ZNF510: variants seen among roughly 807,000 people sequenced by gnomAD.
ZNF510 encodes the protein zinc finger protein 510.
Under a neutral mutation model 18.1 loss-of-function variants are expected in ZNF510, and 15 were observed. That is an observed-to-expected ratio of 0.83 (90% CI 0.55 to 1.28). The LOEUF is 1.28. Ranked by LOEUF, ZNF510 falls within the 50% of genes most tolerant of loss-of-function variation. The pLI is 0.00. For missense variants in ZNF510, 724 were observed against 791.8 expected (o/e 0.91, Z 1.03); for synonymous variants, 261 against 266.4 (o/e 0.98, Z 0.20).
At chr9:96,766,248 T>C (rs1849468921) in intron 3 of ZNF510, among the ~76,000 whole-genome samples, 1 of 149,700 alleles carries the variant, frequency 6.7e-6, no homozygotes, top group Non-Finnish European at 1.5e-5. Flanking sequence ...TCCCAGTAAC[T>C]CATAGAAAAG....
At position 96,755,906 on chromosome 9, in the gene ZNF510, A is replaced by G. The variant is rs1253237558; in HGVS notation, c.*2872T>C. ...TATTTTGTACAGTACATGGTACTGT[A>G]AAAGTACCATGTACTTTTACCATGT... On this transcript the variant is annotated 3_prime_UTR_variant, in exon 6 of 6. Coordinates refer to ENST00000223428, the MANE Select transcript of ZNF510 (RefSeq NM_014930.3). The G allele has an allele frequency of 6.6e-6, 1 of 152,162 alleles. No individual in the cohort carries two copies. Among genetic ancestry groups the G allele is most frequent in the African/African-American group, 2.4e-5 (1 of 41,450 alleles). The allele number at this position is 152,162 out of a possible 1,614,324, so 9.4% of individuals were successfully genotyped here.
In ZNF510 at chr9:96,763,161, C is replaced by T; in HGVS notation, c.309G>A (p.Glu103=). The T allele has an allele frequency of 6.2e-7, 1 of 1,614,098 alleles. No homozygotes were observed. The highest frequency in any genetic ancestry group is 1.1e-5 in the South Asian group (1 of 91,082). ...AGAATTCCTCCTCTGAGAACCAAGG[C>T]TCCTCTCCTTGCTCCAACTTGAAGA... ...EVIFKLEQGE[E]PWFSEEEFSN... The change falls in exon 5 of 6, where the codon GAG becomes GAA. Residue 103 remains glutamate (E), a synonymous_variant. Transcript: ENST00000223428.
chr9:96,772,463 T>G (rs1849601851), intron 3 of ZNF510, among the ~76,000 whole-genome samples: 1 of 152,100 alleles, frequency 6.6e-6, no homozygotes, highest in Non-Finnish European at 1.5e-5. Context: ...AGCCATGGAA[T>G]CCAAGAACAT....
At position 96,770,442 on chromosome 9, in the gene ZNF510, A is replaced by T. The variant is rs539987679; in HGVS notation, c.129+4346T>A. 2.2e-3 allele frequency among the ~76,000 whole-genome samples: 339 copies of T among 151,752 alleles called. 3 individuals are homozygous for T. The highest frequency in any genetic ancestry group is 7.7e-3 in the African/African-American group (320 of 41,416). On this transcript the variant is annotated intron_variant, in intron 3 of 5. Transcript: ENST00000223428. ...CTGTGTCTACTAAAAAAAAAAAAAA[A>T]AATAGAAAAATTAGCCAGGCATGAC...
chr9:96,761,230 A>G (rs569796963), intron 5 of ZNF510, among the ~76,000 whole-genome samples: 1 of 152,298 alleles, frequency 6.6e-6, no homozygotes, highest in African/African-American at 2.4e-5. Flanking sequence ...AGTGAACCTG[A>G]TCATCCCATC....
intron 2 of ZNF510, 89 bp from the exon 3 acceptor site, chr9:96,774,935 C>A: frequency 8.9e-7 from 1 of 1,117,642 alleles, no homozygotes; most frequent in Non-Finnish European, 1.3e-6. Context: ...GGAAAAAGGC[C>A]TCTCTACAAA....
intron 3 of ZNF510, among the ~76,000 whole-genome samples, chr9:96,766,490 G>A (rs183409359): frequency 2.0e-4 from 30 of 151,994 alleles, no homozygotes; most frequent in Admixed American, 2.0e-3. Flanking sequence ...AGATGCAACA[G>A]AGACTGTATC....
chr9:96,756,887 A>G lies in ZNF510; in HGVS notation c.*1891T>C, dbSNP rs1849207759. The G allele has an allele frequency of 6.6e-6, 1 of 152,244 alleles. No individual in the cohort carries two copies. The highest frequency in any genetic ancestry group is 2.4e-5 in the African/African-American group (1 of 41,460). 9.4% of individuals were successfully genotyped at this position (152,244 alleles called of 1,614,324 possible). A position where few individuals can be genotyped will look rare whatever the true frequency, so the allele number is the denominator to read the frequency against. The stretch of plus-strand genomic sequence containing the variant: ...GACCTCAGAGGTATCTTTACATACA[A>G]TTATTCCTGATTAGAATTCTATGAC... On this transcript the variant is annotated 3_prime_UTR_variant, in exon 6 of 6. Transcript: ENST00000223428.
intron 3 of ZNF510, among the ~76,000 whole-genome samples, chr9:96,764,424 T>C (rs902732609): frequency 6.6e-6 from 1 of 152,306 alleles, no homozygotes. Flanking sequence ...AGCTCTGGGA[T>C]TATAAGTGTG....
At chr9:96,762,986 C>A (rs896917707) in intron 5 of ZNF510, 132 bp downstream of exon 5, 17 of 692,844 alleles carry the variant, frequency 2.5e-5, no homozygotes, top group Admixed American at 1.7e-4. Flanking sequence ...TAATTATTTT[C>A]TTTTAACTGC....
In ZNF510 at chr9:96,759,805, C is replaced by G; in HGVS notation, c.1025G>C (p.Gly342Ala). 1 of 1,613,810 alleles carries G rather than the reference C, an allele frequency of 6.2e-7. No homozygotes were observed. Among genetic ancestry groups the G allele is most frequent in the Admixed American group, 1.7e-5 (1 of 60,002 alleles). Residue 342 changes from glycine (G) to alanine (A), a missense_variant, in exon 6 of 6, where the codon GGA becomes GCA. By Grantham distance (60) the Gly-to-Ala change is moderately conservative. Transcript: ENST00000223428. The part of the protein sequence containing the change: ...GIKHYELNPS[G>A]NNFNRKAHLT... ...GTGTGCCTTTCTGTTGAAATTATTT[C>G]CACTTGGATTTAATTCATAATGTTT...
chr9:96,773,209 T>C (rs1849619603), intron 3 of ZNF510, among the ~76,000 whole-genome samples: 2 of 152,184 alleles, frequency 1.3e-5, no homozygotes, highest in Non-Finnish European at 2.9e-5. Flanking sequence ...TATCTTAATC[T>C]GGGTACTAAA....
chr9:96,754,947 T>A lies in ZNF510; in HGVS notation c.*3831A>T, dbSNP rs73656945. On this transcript the variant is annotated 3_prime_UTR_variant, in exon 6 of 6. Transcript: ENST00000223428. Reference sequence around the variant, plus strand: ...AATCAGCTCCTCCAGAGTCTCTAGATGAGGCATCCATCTGCTAGAGTAAAA... The same window carrying A: ...AATCAGCTCCTCCAGAGTCTCTAGAAGAGGCATCCATCTGCTAGAGTAAAA... Among the ~76,000 whole-genome samples the A allele has an allele frequency of 0.036, 5,534 of 152,306 alleles. 340 individuals are homozygous for A. Among genetic ancestry groups the A allele is most frequent in the African/African-American group, 0.13 (5,196 of 41,546 alleles).
At chr9:96,764,502 TGTTGCA>T (rs1223277282) in intron 3 of ZNF510, among the ~76,000 whole-genome samples, 1 of 152,244 alleles carries the variant, frequency 6.6e-6, no homozygotes, top group Admixed American at 6.5e-5. Context: ...CACCCAATCA[TGTTGCA>T]TTGTTTATGG....
In ZNF510 at chr9:96,763,129, T is replaced by C. The variant is rs755593991; in HGVS notation, c.341A>G (p.Gln114Arg). The C allele has an allele frequency of 6.2e-6, 10 of 1,614,072 alleles. No homozygotes were observed. The Admixed American group carries it at 1.7e-4, about 27-fold the overall frequency. ...GCTCAGTAACTCACTTGGGTGACTC[T>C]GGTTTGAGAATTCCTCCTCTGAGAA... ...PWFSEEEFSN[Q>R]SHPKDYRGDD... is the part of the protein sequence containing the mutation. Residue 114 changes from glutamine (Q) to arginine (R), a missense_variant, in exon 5 of 6, where the codon CAG (glutamine) becomes CGG (arginine). Transcript: ENST00000223428.
In ZNF510 at chr9:96,767,706, T is replaced by C. The variant is rs534755288; in HGVS notation, c.130-4074A>G. Among the ~76,000 whole-genome samples, 5 of 152,252 alleles carry C rather than the reference T, an allele frequency of 3.3e-5. No homozygotes were observed. The East Asian group carries it at 5.8e-4, about 18-fold the overall frequency. ...AACAGAACATCCGAACAGACTGATA[T>C]AAGACTGAATCAGTAATCCAAATCC... On this transcript the variant is annotated intron_variant, in intron 3 of 5. Transcript: ENST00000223428.
intron 3 of ZNF510, among the ~76,000 whole-genome samples, chr9:96,769,567 T>C (rs1250057133): frequency 6.6e-6 from 1 of 151,942 alleles, no homozygotes; most frequent in Non-Finnish European, 1.5e-5. Flanking sequence ...CTGGATATGA[T>C]ACCAAAGAAA....
chr9:96,775,236 T>G (rs542007659), intron 2 of ZNF510, among the ~76,000 whole-genome samples: 4 of 152,184 alleles, frequency 2.6e-5, no homozygotes, highest in Admixed American at 2.6e-4. Flanking sequence ...ATTTTTGTAT[T>G]TTTTGTAGAA....
rs1366002557 is a variant in ZNF510, at chr9:96,756,880, A to G, written c.*1898T>C. On this transcript the variant is annotated 3_prime_UTR_variant, in exon 6 of 6. Transcript: ENST00000223428. ...GCTGTTGGACCTCAGAGGTATCTTT[A>G]CATACAATTATTCCTGATTAGAATT... 6.6e-6 allele frequency: 1 copy of G among 152,266 alleles called. No individual in the cohort carries two copies. Among genetic ancestry groups the G allele is most frequent in the Non-Finnish European group, 1.5e-5 (1 of 68,056 alleles). 9.4% of individuals were successfully genotyped at this position (152,266 alleles called of 1,614,324 possible).
Sources: allele counts gnomAD v4.1 joint callset (sites outside exome capture counted in the v4.1 genomes callset), GRCh38; gene constraint gnomAD v4.1.1; transcripts MANE v1.5; gene names NCBI Gene and HGNC (gene_info 2026-07-23, HGNC 2026-07-21).